Variants in FBXW8 observed in about 807,000 individuals in gnomAD.
The protein encoded by FBXW8 is F-box/WD repeat-containing protein 8.
In FBXW8, 57 loss-of-function variants were observed where a neutral mutation model predicts 65.3. The ratio of observed to expected loss-of-function variants is 0.87; its 90% CI spans 0.71 to 1.09. The LOEUF is 1.09. FBXW8 is among the 50% of genes least tolerant of loss of function. The pLI is 0.00. For synonymous variants in FBXW8, 308 were observed against 330.2 expected (o/e 0.93, Z 0.73); for missense variants, 777 against 814.8 (o/e 0.95, Z 0.57).
rs941551112 is a variant in FBXW8 at position 116,945,347 on chromosome 12, C to T, written c.424-17C>T. On this transcript the variant is annotated splice_polypyrimidine_tract_variant and intron_variant, in intron 2 of 10. Coordinates refer to ENST00000652555, the MANE Select transcript of FBXW8 (RefSeq NM_153348.3). ...TAATTGCAGAATTTGACATTTGTGT[C>T]ACTTCTGCTGTTTTAGGTGAGCAAG... The T allele has an allele frequency of 6.3e-7, 1 of 1,593,520 alleles. No homozygotes were observed. Among genetic ancestry groups the T allele is most frequent in the Non-Finnish European group, 8.6e-7 (1 of 1,166,998 alleles).
chr12:116,980,821 G>A (rs969271954), intron 5 of FBXW8, among the ~76,000 whole-genome samples: 3 of 152,042 alleles, frequency 2.0e-5, no homozygotes, highest in African/African-American at 7.2e-5. Context: ...GTTCCATTGT[G>A]CTTTGTGTAT....
At chr12:116,966,819 A>G (rs113723172) in intron 5 of FBXW8, among the ~76,000 whole-genome samples, 5,456 of 151,782 alleles carry the variant, frequency 0.036, 341 homozygotes, top group African/African-American at 0.13. Context: ...GGTTCAAGTG[A>G]TTCTCCTTCC....
At chr12:116,913,704 A>C (rs1880179739) in intron 1 of FBXW8, among the ~76,000 whole-genome samples, 1 of 152,176 alleles carries the variant, frequency 6.6e-6, no homozygotes, top group South Asian at 2.1e-4. Flanking sequence ...CATTCGATGC[A>C]ACGTTTATGG....
At chr12:117,023,779 C>T (rs768545300) in intron 8 of FBXW8, among the ~76,000 whole-genome samples, 1 of 152,238 alleles carries the variant, frequency 6.6e-6, no homozygotes, top group African/African-American at 2.4e-5. Context: ...TTGCCTTTAA[C>T]AGGTTATTTT....
At chr12:116,938,758 C>A (rs941482234) in intron 2 of FBXW8, among the ~76,000 whole-genome samples, 1 of 152,204 alleles carries the variant, frequency 6.6e-6, no homozygotes, top group Non-Finnish European at 1.5e-5. Flanking sequence ...GATTCAGAGG[C>A]TCCATCCAAC....
rs765658173 is a variant in FBXW8, at chr12:116,964,729, C to T, written c.710C>T (p.Thr237Ile). 3.1e-6 allele frequency: 5 copies of T among 1,613,740 alleles called. No individual in the cohort carries two copies. The highest frequency in any genetic ancestry group is 2.2e-5 in the East Asian group (1 of 44,880). ...YTSGDVRVWD[T>I]RTWDYVAPFL... ...TCAGGGGATGTGAGAGTGTGGGACACCCGCACCTGGGACTACGTAGCCCCC... is the reference window on the plus strand; with the variant it reads ...TCAGGGGATGTGAGAGTGTGGGACATCCGCACCTGGGACTACGTAGCCCCC... Residue 237 changes from threonine (T) to isoleucine (I), a missense_variant, in exon 5 of 11, where the codon ACC (threonine) becomes ATC (isoleucine). By Grantham distance (89) the Thr-to-Ile change is moderately conservative. Transcript: ENST00000652555.
chr12:116,977,052 A>G (rs966297169), intron 5 of FBXW8, among the ~76,000 whole-genome samples: 3 of 152,118 alleles, frequency 2.0e-5, no homozygotes, highest in African/African-American at 4.8e-5. Context: ...AAAACCATCT[A>G]TTTGTTGGGG....
intron 5 of FBXW8, among the ~76,000 whole-genome samples, chr12:116,975,363 C>T (rs561236565): frequency 2.6e-5 from 4 of 152,316 alleles, no homozygotes; most frequent in South Asian, 4.1e-4. Context: ...CTATGTCTGG[C>T]GAGAGCCCTT....
At chr12:117,000,034 C>T (rs902859190) in intron 7 of FBXW8, among the ~76,000 whole-genome samples, 10 of 142,380 alleles carry the variant, frequency 7.0e-5, no homozygotes, top group Non-Finnish European at 1.2e-4. Context: ...CAGGCTGGAG[C>T]GCAGTGGCGC....
intron 6 of FBXW8, chr12:116,986,804 A>G (rs1053710931): frequency 1.1e-4 from 16 of 152,252 alleles, no homozygotes; most frequent in Non-Finnish European, 1.5e-5. Flanking sequence ...TACAGCCCCC[A>G]GCAAATGGCA....
At chr12:116,980,635 T>A (rs953819909) in intron 5 of FBXW8, among the ~76,000 whole-genome samples, 3 of 152,140 alleles carry the variant, frequency 2.0e-5, no homozygotes, top group East Asian at 1.9e-4. Flanking sequence ...TAAAAAAAAA[T>A]ACCTATTTGA....
At chr12:117,001,406 C>G (rs946447683) in intron 7 of FBXW8, among the ~76,000 whole-genome samples, 1 of 152,102 alleles carries the variant, frequency 6.6e-6, no homozygotes, top group African/African-American at 2.4e-5. Context: ...CTAGAAGTTG[C>G]CAGGCTAGTC....
chr12:116,947,585 C>T (rs1035386805), intron 3 of FBXW8, among the ~76,000 whole-genome samples: 2 of 151,580 alleles, frequency 1.3e-5, no homozygotes, highest in Non-Finnish European at 2.9e-5. Context: ...ACTAAAAATA[C>T]GAAAATTAGC....
At chr12:116,965,654 T>C (rs975567497) in intron 5 of FBXW8, among the ~76,000 whole-genome samples, 2 of 152,200 alleles carry the variant, frequency 1.3e-5, no homozygotes, top group Non-Finnish European at 2.9e-5. Context: ...TCAGAGTCAG[T>C]GTGACATTAG....
At chr12:117,016,809 A>G (rs948663685) in intron 8 of FBXW8, among the ~76,000 whole-genome samples, 4 of 152,184 alleles carry the variant, frequency 2.6e-5, no homozygotes, top group African/African-American at 9.7e-5. Flanking sequence ...ATTTTTGTAT[A>G]TGGTGTGAGG....
At chr12:116,971,737 A>G (rs1330579321) in intron 5 of FBXW8, among the ~76,000 whole-genome samples, 1 of 152,194 alleles carries the variant, frequency 6.6e-6, no homozygotes, top group Non-Finnish European at 1.5e-5. Flanking sequence ...TAAAAAAAAT[A>G]AAACTAGATC....
intron 7 of FBXW8, among the ~76,000 whole-genome samples, chr12:117,001,335 G>C (rs986037679): frequency 1.3e-5 from 2 of 151,920 alleles, no homozygotes; most frequent in African/African-American, 4.8e-5. Context: ...TCAGTGATCT[G>C]ATTTTAGCTG....
intron 5 of FBXW8, chr12:116,978,179 A>G (rs1026990421): frequency 6.6e-5 from 10 of 152,264 alleles, no homozygotes; most frequent in African/African-American, 2.4e-4. Flanking sequence ...TGCAGTAACA[A>G]GAAACTTCAG....
intron 2 of FBXW8, 46 bp downstream of exon 2, chr12:116,928,173 T>C (rs966508946): frequency 8.3e-7 from 1 of 1,205,118 alleles, no homozygotes; most frequent in African/African-American, 1.5e-5. Context: ...AAATGTGTGA[T>C]TAAGGTATAG....
Sources: gnomAD v4.1 joint callset for allele counts (sites outside exome capture counted in the v4.1 genomes callset) on GRCh38, gnomAD v4.1.1 for gene constraint, MANE v1.5 for transcripts, NCBI Gene and HGNC (gene_info 2026-07-23, HGNC 2026-07-21) for gene names.